Variants in ANKFY1 observed in about 807,000 individuals in gnomAD.
ANKFY1 encodes the protein ankyrin repeat and FYVE domain-containing protein 1.
In ANKFY1, 47 loss-of-function variants were observed where a neutral mutation model predicts 128.3. The observed-to-expected ratio is 0.37, with a 90% CI of 0.29 to 0.47. The LOEUF is 0.47. ANKFY1 is among the 20% of genes least tolerant of loss of function. The pLI, the probability that ANKFY1 is intolerant of heterozygous loss-of-function variation, is 1.00. For missense variants in ANKFY1, 1,222 were observed against 1,510.6 expected (o/e 0.81, Z 3.17); for synonymous variants, 553 against 601.6 (o/e 0.92, Z 1.18).
At chr17:4,180,883 C>T (rs2059503167) in intron 16 of ANKFY1, 2 of 185,182 alleles carry the variant, frequency 1.1e-5, no homozygotes, top group African/African-American at 2.3e-5. Flanking sequence ...CCAAGGGGGC[C>T]ACAGAGCCTG....
rs2059456035 is a variant in ANKFY1 at position 4,178,847 on chromosome 17, A to G, written c.2598+10T>C. The G allele has an allele frequency of 6.2e-7, 1 of 1,613,322 alleles. No homozygotes were observed. Among genetic ancestry groups the G allele is most frequent in the Admixed American group, 1.7e-5 (1 of 59,998 alleles). ...GACCATGTGGAGAAGGTCAGGTGTT[A>G]TTCACTCACCTGCTCAGCAGCCCCG... On this transcript the variant is annotated intron_variant, in intron 18 of 24. Transcript: ENST00000341657. This position sits in a 1 kb window ranked among gnomAD's most constrained non-coding sequence, Gnocchi z 4.1.
chr17:4,179,370 G>A (rs745394588), intron 17 of ANKFY1: 6 of 518,584 alleles, frequency 1.2e-5, no homozygotes, highest in African/African-American at 1.9e-5. Flanking sequence ...GCACAGGCTC[G>A]AATGTTGAAA....
At chr17:4,231,177 T>C (rs963824665) in intron 3 of ANKFY1, among the ~76,000 whole-genome samples, 2 of 152,214 alleles carry the variant, frequency 1.3e-5, no homozygotes, top group South Asian at 2.1e-4. Flanking sequence ...CATGAGTAGA[T>C]TGAGGTTATG....
At chr17:4,182,491 T>A in intron 14 of ANKFY1, 142 bp from the exon 15 acceptor site, 1 of 640,508 alleles carries the variant, frequency 1.6e-6, no homozygotes, top group Non-Finnish European at 2.4e-6. Flanking sequence ...TCAGGGAAAT[T>A]AAATGTGAAA....
chr17:4,258,055 A>C (rs2052148986), intron 1 of ANKFY1, among the ~76,000 whole-genome samples: 1 of 152,200 alleles, frequency 6.6e-6, no homozygotes, highest in South Asian at 2.1e-4. Context: ...ATTTCTCAGT[A>C]AAAATAATTC....
intron 19 of ANKFY1, among the ~76,000 whole-genome samples, chr17:4,175,252 G>A (rs117516148): frequency 0.067 from 10,077 of 151,472 alleles, 457 homozygotes; most frequent in South Asian, 0.15. Flanking sequence ...AGGATTGATT[G>A]AGCCTGGCAG....
chr17:4,172,804 G>C (rs2059345192), intron 21 of ANKFY1, 124 bp from the exon 22 acceptor site: 2 of 1,339,852 alleles, frequency 1.5e-6, no homozygotes, highest in African/African-American at 2.9e-5. Flanking sequence ...AGTCACAAAA[G>C]TTTTTCTTTT....
chr17:4,206,223 A>G, intron 7 of ANKFY1, 98 bp downstream of exon 7: 1 of 1,328,024 alleles, frequency 7.5e-7, no homozygotes, highest in Non-Finnish European at 1.1e-6. Context: ...AGACTACAGA[A>G]GCCTTTGAGA....
At chr17:4,229,700 G>A (rs1401837870) in intron 3 of ANKFY1, among the ~76,000 whole-genome samples, 1 of 152,220 alleles carries the variant, frequency 6.6e-6, no homozygotes, top group Non-Finnish European at 1.5e-5. Flanking sequence ...ATTATTTTGA[G>A]CTCTGAGAGA....
intron 3 of ANKFY1, chr17:4,223,210 T>A (rs570170088): frequency 1.3e-6 from 1 of 783,180 alleles, no homozygotes; most frequent in Non-Finnish European, 2.3e-6. Context: ...GAAATCTTCT[T>A]CCTATTACTC....
rs74865034 is a variant in ANKFY1, at chr17:4,227,442, T to C, written c.322+8330A>G. Among the ~76,000 whole-genome samples, 1,097 of 152,316 alleles carry C rather than the reference T, an allele frequency of 7.2e-3. 15 individuals are homozygous for C. The highest frequency in any genetic ancestry group is 0.025 in the African/African-American group (1,045 of 41,560). On this transcript the variant is annotated intron_variant, in intron 3 of 24. Transcript: ENST00000341657. The stretch of plus-strand genomic sequence containing the variant: ...ATCAAAAATTATATAATCATTTCTA[T>C]AGATGTCAAAGAAAGTGTTTGGCAA...
intron 3 of ANKFY1, among the ~76,000 whole-genome samples, chr17:4,227,073 A>T (rs1598110832): frequency 6.6e-6 from 1 of 152,216 alleles, no homozygotes; most frequent in Non-Finnish European, 1.5e-5. Flanking sequence ...TATTTTAAAA[A>T]TTTGTTTTCA....
At position 4,206,330 on chromosome 17, in the gene ANKFY1, T is replaced by C; in HGVS notation, c.889A>G (p.Ile297Val). The C allele has an allele frequency of 1.2e-6, 2 of 1,612,468 alleles. No homozygotes were observed. Among genetic ancestry groups the C allele is most frequent in the Non-Finnish European group, 1.7e-6 (2 of 1,178,616 alleles). Residue 297 changes from isoleucine to valine, a missense_variant, in exon 7 of 25, where the codon ATC becomes GTC. Coordinates refer to ENST00000341657, the MANE Select transcript of ANKFY1 (RefSeq NM_001330063.2). The stretch of plus-strand genomic sequence containing the variant: ...ACACACTTCTTCCTACCTCTTTGGA[T>C]TCCTTTGTGTAACAAGCTCCAGCCA... Reference protein sequence around the residue: ...KSGWSLLHKGIQRGDLFAATF... With the variant: ...KSGWSLLHKGVQRGDLFAATF...
intron 10 of ANKFY1, among the ~76,000 whole-genome samples, chr17:4,189,918 C>T (rs1307683521): frequency 6.6e-6 from 1 of 152,218 alleles, no homozygotes; most frequent in Admixed American, 6.5e-5. Context: ...GACACAGAGG[C>T]TAGGGAACGC....
rs1402585306 is a variant in ANKFY1, at chr17:4,172,577, G to T, written c.3118C>A (p.Pro1040Thr). The T allele has an allele frequency of 6.2e-7, 1 of 1,613,908 alleles. No individual in the cohort carries two copies. Among genetic ancestry groups the T allele is most frequent in the Admixed American group, 1.7e-5 (1 of 60,012 alleles). ...ECMPGYPLDK[P>T]DADGSTVLLL... The stretch of plus-strand genomic sequence containing the variant: ...ACACCCGTGCTGCCGTCTGCATCCG[G>T]CTTGTCCAGAGGATACCCCGGCATG... Residue 1040 changes from proline to threonine, a missense_variant, in exon 22 of 25, where the codon CCG becomes ACG. Pro to Thr is a conservative substitution (Grantham distance 38, BLOSUM62 -1). Transcript: ENST00000341657.
At chr17:4,210,565 G>A (rs922685991) in intron 4 of ANKFY1, among the ~76,000 whole-genome samples, 10 of 151,892 alleles carry the variant, frequency 6.6e-5, no homozygotes, top group African/African-American at 2.2e-4. Context: ...AAAATTAGCC[G>A]GCTGTGGTGG....
At chr17:4,176,487 G>A (rs200455033) in intron 19 of ANKFY1, among the ~76,000 whole-genome samples, 21 of 152,288 alleles carry the variant, frequency 1.4e-4, no homozygotes, top group East Asian at 5.8e-4. Flanking sequence ...CACAGTTCTC[G>A]GTTTGAAATG....
At chr17:4,232,512 C>T (rs2060530592) in intron 3 of ANKFY1, among the ~76,000 whole-genome samples, 1 of 152,248 alleles carries the variant, frequency 6.6e-6, no homozygotes, top group South Asian at 2.1e-4. Flanking sequence ...CTGCTATCTT[C>T]ACAGGTGCTT....
Position 4,195,444 on chromosome 17 carries a change from G to A in ANKFY1, c.1131C>T (p.Ala377=), listed in dbSNP as rs747711778. Residue 377 remains alanine (A), a synonymous_variant, in exon 9 of 25, where the codon GCC becomes GCT. Transcript: ENST00000341657. ...GRTPLHVSIM[A]GNEYVFSQLL... is the part of the protein sequence containing the mutation. Reference sequence around the variant, plus strand: ...GCTGACTGAACACATATTCATTCCCGGCCATGATGGACACATGTAAAGGAG... The same window carrying A: ...GCTGACTGAACACATATTCATTCCCAGCCATGATGGACACATGTAAAGGAG... 5.6e-6 allele frequency: 9 copies of A among 1,613,836 alleles called. No individual in the cohort carries two copies. The East Asian group carries it at 1.1e-4, about 20-fold the overall frequency.
Sources: gnomAD v4.1 joint callset for allele counts (sites outside exome capture counted in the v4.1 genomes callset) on GRCh38, gnomAD v4.1.1 for gene constraint, Gnocchi (gnomAD v3.1) non-coding constraint, MANE v1.5 for transcripts, NCBI Gene and HGNC (gene_info 2026-07-23, HGNC 2026-07-21) for gene names.